The following MCM3AP variants were observed in gnomAD, a reference collection of about 807,000 sequenced individuals.
The protein encoded by MCM3AP is germinal-center associated nuclear protein.
In MCM3AP, 126 loss-of-function variants were observed where a neutral mutation model predicts 184.1. The observed-to-expected ratio is 0.68, with a 90% confidence interval of 0.59 to 0.79. The LOEUF is 0.79. Among genes scored for constraint, MCM3AP ranks in the 30% least tolerant of loss-of-function variants. The probability of loss-of-function intolerance (pLI) is 0.00; values close to 1 mark genes in which losing one functional copy is unlikely to be tolerated. For missense variants in MCM3AP, 2,496 were observed against 2,479.2 expected (o/e 1.01, Z -0.14); for synonymous variants, 1,002 against 979.3 (o/e 1.02, Z -0.43).
At chr21:46,273,628 T>C (rs535737401) in intron 6 of MCM3AP, 43 bp from the exon 7 acceptor site, 1 of 1,539,236 alleles carries the variant, frequency 6.5e-7, no homozygotes, top group East Asian at 2.3e-5. Context: ...GTGGCATACC[T>C]TGGGCCAGGC....
chr21:46,270,588 G>C, intron 8 of MCM3AP, 25 bp from the exon 9 acceptor site: 1 of 1,551,612 alleles, frequency 6.4e-7, no homozygotes, highest in Non-Finnish European at 8.7e-7. Flanking sequence ...AGAGAAAAGG[G>C]GTTGGAATGT....
Position 46,238,066 on chromosome 21 carries a change from T to C in MCM3AP, c.5634-1087A>G, listed in dbSNP as rs1387404057. Among the ~76,000 whole-genome samples the C allele has an allele frequency of 2.0e-4, 18 of 87,834 alleles. 6 individuals carry two copies. Among genetic ancestry groups the C allele is most frequent in the Non-Finnish European group, 3.2e-4 (15 of 46,604 alleles). The allele number at this position is 87,834 out of a possible 152,430, so 57.6% of individuals were successfully genotyped here. A position where few individuals can be genotyped will look rare whatever the true frequency, so the allele number is the denominator to read the frequency against. ...AGTGAGCCAGATCACGCCATTGCAC[T>C]CCAGCCAGGGCAACAAGAGCAAAAC... On this transcript the variant is annotated intron_variant, in intron 26 of 27. Transcript: ENST00000291688.
chr21:46,236,513 A>T (rs189205532), intron 27 of MCM3AP, among the ~76,000 whole-genome samples: 37 of 152,348 alleles, frequency 2.4e-4, no homozygotes, highest in African/African-American at 8.9e-4. Context: ...CAAAGCTCAG[A>T]CAATATGTGC....
intron 4 of MCM3AP, among the ~76,000 whole-genome samples, chr21:46,278,176 AAGAT>A (rs910649481): frequency 3.4e-5 from 5 of 148,718 alleles, no homozygotes; most frequent in African/African-American, 1.2e-4. Context: ...AAAAAAAAAA[AAGAT>A]AGGCTCATTT....
Position 46,272,769 on chromosome 21 carries a change from G to A in MCM3AP, c.2257C>T (p.Arg753Trp), listed in dbSNP as rs2145695621. The change falls in exon 8 of 28, where the codon CGG (arginine) becomes TGG (tryptophan). Residue 753 changes from arginine (R) to tryptophan (W), a missense_variant. By Grantham distance (101) the Arg-to-Trp change is moderately radical. Coordinates refer to ENST00000291688, the MANE Select transcript of MCM3AP (RefSeq NM_003906.5). ...LTVSLIEKCT[R>W]FHIHCAHFMC... Reference sequence around the variant, plus strand: ...AAGTGGGCACAGTGGATGTGAAACCGGGTGCACTTCTCAATCAGGGACACC... The same window carrying A: ...AAGTGGGCACAGTGGATGTGAAACCAGGTGCACTTCTCAATCAGGGACACC... 4 of 1,613,400 alleles carry A rather than the reference G, an allele frequency of 2.5e-6. No homozygotes were observed. Among genetic ancestry groups the A allele is most frequent in the Admixed American group, 3.3e-5 (2 of 59,974 alleles).
Position 46,251,530 on chromosome 21 carries a change from T to G in MCM3AP, c.4289A>C (p.Lys1430Thr), listed in dbSNP as rs144723595. 4.2e-5 allele frequency: 68 copies of G among 1,603,596 alleles called. No homozygotes were observed. Among genetic ancestry groups the G allele is most frequent in the Non-Finnish European group, 5.5e-5 (64 of 1,171,794 alleles). The change falls in exon 20 of 28, where the codon AAG becomes ACG. Residue 1430 changes from lysine (K) to threonine (T), a missense_variant and splice_region_variant. Coordinates refer to ENST00000291688, the MANE Select transcript of MCM3AP (RefSeq NM_003906.5). The part of the protein sequence containing the change: ...DQMISVNVCI[K>T]VAHGALSDGA... ...AAACACAAAGTAATTATAGTTCACC[T>G]TTATACACACGTTAACAGAAATCAT...
rs1306729262 is a variant in MCM3AP, at chr21:46,285,032, A to T, written c.255T>A (p.Ser85=). ...CAAAGGTGGAAGTGTGCTCAAGTCC[A>T]GAAAAGGGTCCAACACTTGAGGTTT... The part of the protein sequence containing the change: ...FTQTSSVGPF[S]GLEHTSTFVA... The change falls in exon 1 of 28, where the codon TCT becomes TCA. Residue 85 remains serine (S), a synonymous_variant. Transcript: ENST00000291688. The T allele has an allele frequency of 1.2e-6, 2 of 1,614,244 alleles. No individual in the cohort carries two copies. Among genetic ancestry groups the T allele is most frequent in the South Asian group, 2.2e-5 (2 of 91,084 alleles).
In MCM3AP at chr21:46,237,593, T is replaced by C. The variant is rs1250318831; in HGVS notation, c.5634-614A>G. 1.8e-5 allele frequency among the ~76,000 whole-genome samples: 2 copies of C among 110,536 alleles called. 1 individual carries two copies. The highest frequency in any genetic ancestry group is 3.7e-5 in the Non-Finnish European group (2 of 53,796). 72.5% of individuals were successfully genotyped at this position (110,536 alleles called of 152,430 possible). On this transcript the variant is annotated intron_variant, in intron 26 of 27. Coordinates refer to ENST00000291688, the MANE Select transcript of MCM3AP (RefSeq NM_003906.5). The stretch of plus-strand genomic sequence containing the variant: ...TGTATTTTTTTGTAGAAACGGGATT[T>C]TGCTGTATTGTCAGGCTAGTCTACA...
chr21:46,240,937 C>T lies in MCM3AP; in HGVS notation c.5507G>A (p.Ser1836Asn). ...CCTCCCCTCTTGAGCACACTCTGTG[C>T]TCCTCTTCCAGTTACGGTGCATGTG... ...LLHMHRNWKR[S>N]TECAQEGRIP... Residue 1836 changes from serine to asparagine, a missense_variant, in exon 26 of 28, where the codon AGC becomes AAC. Coordinates refer to ENST00000291688, the MANE Select transcript of MCM3AP (RefSeq NM_003906.5). The T allele has an allele frequency of 6.2e-7, 1 of 1,614,196 alleles. No homozygotes were observed. The highest frequency in any genetic ancestry group is 8.5e-7 in the Non-Finnish European group (1 of 1,180,010).
At chr21:46,238,227 C>T (rs2080584919) in intron 26 of MCM3AP, among the ~76,000 whole-genome samples, 1 of 119,890 alleles carries the variant, frequency 8.3e-6, no homozygotes, top group South Asian at 2.6e-4. Flanking sequence ...CTTAACATTA[C>T]TTGTAATTGT....
At chr21:46,246,283 C>G in intron 22 of MCM3AP, 24 bp downstream of exon 22, 1 of 1,399,738 alleles carries the variant, frequency 7.1e-7, no homozygotes, top group Non-Finnish European at 1.0e-6. Context: ...TCTTGACAGA[C>G]CATTAAAAAT....
chr21:46,246,635 T>A lies in MCM3AP; in HGVS notation c.4542A>T (p.Val1514=), dbSNP rs113952183. The A allele has an allele frequency of 1.1e-5, 17 of 1,610,050 alleles. No homozygotes were observed. Among genetic ancestry groups the A allele is most frequent in the African/African-American group, 9.4e-5 (7 of 74,862 alleles). The part of the protein sequence containing the change: ...SPGGDAVEKE[V]EDGLMLQDLV... Reference sequence around the variant, plus strand: ...GAGACTTCCTTCACAAACCATCTTCTACTTCCTTCTCAACGGCGTCCCCTC... The same window carrying A: ...GAGACTTCCTTCACAAACCATCTTCAACTTCCTTCTCAACGGCGTCCCCTC... The change falls in exon 21 of 28, where the codon GTA becomes GTT. Residue 1514 remains valine, a synonymous_variant. Transcript: ENST00000291688.
rs2080570072 is a variant in MCM3AP at position 46,237,706 on chromosome 21, T to TG, written c.5634-728dup. Among the ~76,000 whole-genome samples, 3 of 118,480 alleles carry TG rather than the reference T, an allele frequency of 2.5e-5. 1 individual carries two copies. Among genetic ancestry groups the TG allele is most frequent in the African/African-American group, 1.0e-4 (3 of 29,318 alleles). 77.7% of individuals were successfully genotyped at this position (118,480 alleles called of 152,430 possible). A position where few individuals can be genotyped will look rare whatever the true frequency, so the allele number is the denominator to read the frequency against. ...GTCACCACACCCAGCCTTAAGCCTT[T>TG]GCTTTTTACTAAGAATATAACTAAG... On this transcript the variant is annotated intron_variant, in intron 26 of 27. Transcript: ENST00000291688.
chr21:46,278,679 C>CT (rs1569080453), intron 4 of MCM3AP, among the ~76,000 whole-genome samples: 114 of 150,000 alleles, frequency 7.6e-4, no homozygotes, highest in Non-Finnish European at 8.6e-4. Context: ...TAGGAGACAG[C>CT]CTTTTTTTTT....
Position 46,261,173 on chromosome 21 carries a change from G to A in MCM3AP, c.3467+107C>T, listed in dbSNP as rs995245303. ...AGGGCATGAGTGGGTCAGCAGGGGTGGAATGGTAGCACAGTGGACAATAGC... is the reference window on the plus strand; with the variant it reads ...AGGGCATGAGTGGGTCAGCAGGGGTAGAATGGTAGCACAGTGGACAATAGC... On this transcript the variant is annotated intron_variant, in intron 14 of 27. Transcript: ENST00000291688. The A allele has an allele frequency of 2.5e-5, 36 of 1,415,170 alleles. No individual in the cohort carries two copies. The Middle Eastern group carries it at 1.3e-3, about 49-fold the overall frequency. 87.7% of individuals were successfully genotyped at this position (1,415,170 alleles called of 1,614,324 possible).
intron 10 of MCM3AP, 115 bp from the exon 11 acceptor site, chr21:46,266,281 A>G (rs981656326): frequency 5.0e-6 from 6 of 1,196,710 alleles, no homozygotes; most frequent in Non-Finnish European, 6.8e-6. Context: ...CCATGTGTAA[A>G]TAACAGAAAG....
At chr21:46,281,555 C>T (rs2081332666) in intron 2 of MCM3AP, among the ~76,000 whole-genome samples, 2 of 152,138 alleles carry the variant, frequency 1.3e-5, no homozygotes, top group Non-Finnish European at 2.9e-5. Context: ...GGCATGGTGG[C>T]TCATGCCCGT....
chr21:46,251,787 C>A, intron 19 of MCM3AP, 105 bp from the exon 20 acceptor site: 1 of 670,944 alleles, frequency 1.5e-6, no homozygotes, highest in Non-Finnish European at 2.5e-6. Context: ...AAATATCACA[C>A]AGACCTAGGT....
At chr21:46,254,212 T>C (rs751696217) in intron 19 of MCM3AP, 180 bp downstream of exon 19, 2 of 659,696 alleles carry the variant, frequency 3.0e-6, no homozygotes, top group South Asian at 2.0e-5. Context: ...ATTGAAATAA[T>C]CAAATCTAAA....
Sources: allele counts gnomAD v4.1 joint callset (sites outside exome capture counted in the v4.1 genomes callset), GRCh38; gene constraint gnomAD v4.1.1; transcripts MANE v1.5; gene names NCBI Gene and HGNC (gene_info 2026-07-23, HGNC 2026-07-21).